The following FAT4 variants were observed in gnomAD, a reference collection of about 807,000 sequenced individuals.
The protein encoded by FAT4 is FAT atypical cadherin 4.
A neutral mutation model predicts 303.9 loss-of-function variants in FAT4; 84 were observed. That is an observed-to-expected ratio of 0.28 (90% CI 0.23 to 0.33). The LOEUF is 0.33. Ranked by LOEUF, FAT4 falls within the 10% of genes least tolerant of loss-of-function variation. The probability of loss-of-function intolerance (pLI) is 1.00; values close to 1 mark genes in which losing one functional copy is unlikely to be tolerated. For missense variants in FAT4, 6,005 were observed against 6,146.8 expected, an observed-to-expected ratio of 0.98 and a Z score of 0.77; for synonymous variants, 2,307 against 2,298.8, an observed-to-expected ratio of 1.00 and a Z score of -0.10.
intron 3 of FAT4, among the ~76,000 whole-genome samples, chr4:125,399,693 T>G (rs1043363101): frequency 6.6e-5 from 10 of 151,978 alleles, no homozygotes; most frequent in African/African-American, 2.2e-4. Flanking sequence ...TAAAATAATT[T>G]TAACTGCCAA....
chr4:125,468,230 C>T lies in FAT4; in HGVS notation c.11906-282C>T, dbSNP rs115018218. On this transcript the variant is annotated intron_variant, in intron 11 of 17. Transcript: ENST00000394329. ...GAAATCTCTTCAGACATACTCCATT[C>T]CACTAAGCCTTTCATTTTGAGAAAC... is the stretch of plus-strand genomic sequence containing the variant. Among the ~76,000 whole-genome samples, 1,546 of 152,196 alleles carry T rather than the reference C, an allele frequency of 0.01. 25 individuals are homozygous for T. Among genetic ancestry groups the T allele is most frequent in the African/African-American group, 0.036 (1,483 of 41,526 alleles).
chr4:125,490,669 A>C lies in FAT4; in HGVS notation c.13853A>C (p.Glu4618Ala). The C allele has an allele frequency of 6.2e-7, 1 of 1,614,158 alleles. No individual in the cohort carries two copies. Reference protein sequence around the residue: ...PSAPLASPEQEIEHYDIDNAS... With the variant: ...PSAPLASPEQAIEHYDIDNAS... Reference sequence around the variant, plus strand: ...GCCCCTTTGGCATCTCCAGAGCAGGAGATAGAGCACTATGACATTGACAAC... The same window carrying C: ...GCCCCTTTGGCATCTCCAGAGCAGGCGATAGAGCACTATGACATTGACAAC... Residue 4618 changes from glutamate to alanine, a missense_variant, in exon 18 of 18, where the codon GAG becomes GCG. Transcript: ENST00000394329.
chr4:125,452,054 G>A lies in FAT4; in HGVS notation c.11044G>A (p.Asp3682Asn), dbSNP rs1361560801. 6.2e-7 allele frequency: 1 copy of A among 1,614,008 alleles called. No homozygotes were observed. The highest frequency in any genetic ancestry group is 1.3e-5 in the African/African-American group (1 of 74,906). ...GCCAAGGTCCACAGATGGCACGTTT[G>A]ATCTGACTGTCCTTAGCAATGATGG... ...SQPRSTDGTF[D>N]LTVLSNDGVH... Residue 3682 changes from aspartate to asparagine, a missense_variant, in exon 10 of 18, where the codon GAT (aspartate) becomes AAT (asparagine). Asp to Asn is a conservative substitution (Grantham distance 23). Transcript: ENST00000394329.
intron 2 of FAT4, among the ~76,000 whole-genome samples, chr4:125,388,915 C>T (rs1733871309): frequency 6.6e-6 from 1 of 152,156 alleles, no homozygotes; most frequent in Non-Finnish European, 1.5e-5. Flanking sequence ...ATACATATTT[C>T]TTCTTAGTAA....
chr4:125,429,364 C>T (rs1725205117), intron 7 of FAT4, among the ~76,000 whole-genome samples: 1 of 152,086 alleles, frequency 6.6e-6, no homozygotes, highest in Non-Finnish European at 1.5e-5. Flanking sequence ...ATAATTATTC[C>T]TGTTTTCAAT....
chr4:125,430,754 G>T (rs1725256864), intron 7 of FAT4, among the ~76,000 whole-genome samples: 2 of 152,094 alleles, frequency 1.3e-5, no homozygotes. Flanking sequence ...AAAGTTCTTG[G>T]CTTGAAAACA....
chr4:125,453,487 T>A (rs565041994), intron 10 of FAT4, among the ~76,000 whole-genome samples: 66 of 152,198 alleles, frequency 4.3e-4, no homozygotes, highest in African/African-American at 1.5e-3. Flanking sequence ...GGCGGGCAGA[T>A]CACGAGGCTG....
chr4:125,374,257 G>GT (rs1733232443), intron 2 of FAT4, among the ~76,000 whole-genome samples: 1 of 152,172 alleles, frequency 6.6e-6, no homozygotes, highest in African/African-American at 2.4e-5. Flanking sequence ...GAAACTGAGT[G>GT]TAAGGAAAGA....
Position 125,451,453 on chromosome 4 carries a change from A to C in FAT4, c.10443A>C (p.Ser3481=). The C allele has an allele frequency of 1.9e-6, 3 of 1,614,082 alleles. No homozygotes were observed. In the South Asian group the frequency reaches 3.3e-5, roughly 18 times the overall value. ...DRETLPIYNL[S]VLAVDSGTPS... ...AAACCCTTCCCATCTATAATCTCTC[A>C]GTTTTGGCTGTTGATTCAGGGACCC... Residue 3481 remains serine, a synonymous_variant, in exon 10 of 18, where the codon TCA becomes TCC. Transcript: ENST00000394329.
intron 13 of FAT4, 69 bp from the exon 14 acceptor site, chr4:125,477,086 C>T (rs571700088): frequency 2.4e-5 from 29 of 1,203,086 alleles, no homozygotes; most frequent in East Asian, 2.3e-4. Flanking sequence ...CACTCTTTTT[C>T]GAACTAAACA....
intron 2 of FAT4, among the ~76,000 whole-genome samples, chr4:125,372,402 C>A (rs1440622088): frequency 1.3e-5 from 2 of 149,130 alleles, no homozygotes; most frequent in Admixed American, 6.7e-5. Context: ...AAAGTGATAT[C>A]AATAGTAATG....
Position 125,451,093 on chromosome 4 carries a change from A to T in FAT4, c.10083A>T (p.Gly3361=). 6.2e-7 allele frequency: 1 copy of T among 1,614,122 alleles called. No homozygotes were observed. Among genetic ancestry groups the T allele is most frequent in the Non-Finnish European group, 8.5e-7 (1 of 1,180,004 alleles). The change falls in exon 10 of 18, where the codon GGA becomes GGT. Residue 3361 remains glycine, a synonymous_variant. Coordinates refer to ENST00000394329, the MANE Select transcript of FAT4 (RefSeq NM_001291303.3). ...AGACTGGACAGATTTATGTTTCTGGAATTCTTGATCGAGAAAAAGAAGAAA... is the reference window on the plus strand; with the variant it reads ...AGACTGGACAGATTTATGTTTCTGGTATTCTTGATCGAGAAAAAGAAGAAA... The part of the protein sequence containing the change: ...NKKTGQIYVS[G]ILDREKEERV...
At chr4:125,442,511 A>G (rs1725694673) in intron 8 of FAT4, among the ~76,000 whole-genome samples, 2 of 152,144 alleles carry the variant, frequency 1.3e-5, no homozygotes, top group Admixed American at 1.3e-4. Flanking sequence ...GAGCATGAAC[A>G]TGATGCCACA....
Position 125,318,104 on chromosome 4 carries a change from T to C in FAT4, c.1693T>C (p.Tyr565His). The change falls in exon 2 of 18, where the codon TAT becomes CAT. Residue 565 changes from tyrosine to histidine, a missense_variant. Physicochemically the swap from Tyr to His is moderately conservative, Grantham distance 83 (BLOSUM62 2). Transcript: ENST00000394329. ...RDQGVHPKVSYAQLVVTLLDV... is the reference protein window; with the variant it reads ...RDQGVHPKVSHAQLVVTLLDV... The stretch of plus-strand genomic sequence containing the variant: ...CCAGGGAGTTCACCCCAAGGTGTCC[T>C]ATGCCCAGCTTGTAGTAACTCTCCT... 1 of 1,614,162 alleles carries C rather than the reference T, an allele frequency of 6.2e-7. No homozygotes were observed. Among genetic ancestry groups the C allele is most frequent in the Non-Finnish European group, 8.5e-7 (1 of 1,180,032 alleles).
intron 2 of FAT4, among the ~76,000 whole-genome samples, chr4:125,341,971 A>C (rs1400855909): frequency 1.3e-5 from 2 of 152,038 alleles, no homozygotes; most frequent in African/African-American, 4.8e-5. Context: ...TAAAATGTAT[A>C]CACACAGTTA....
At chr4:125,382,519 A>G (rs1161455492) in intron 2 of FAT4, among the ~76,000 whole-genome samples, 2 of 152,202 alleles carry the variant, frequency 1.3e-5, no homozygotes, top group Non-Finnish European at 2.9e-5. Flanking sequence ...ATCATGCTGT[A>G]AACATTTGCT....
chr4:125,483,993 T>G (rs564336776), intron 16 of FAT4, among the ~76,000 whole-genome samples: 3 of 61,856 alleles, frequency 4.8e-5, no homozygotes, highest in Non-Finnish European at 1.0e-4. Context: ...CTCTTTCTTA[T>G]GGTTTGCATT....
In FAT4 at chr4:125,416,531, T is replaced by C; in HGVS notation, c.6927T>C (p.Thr2309=). 6.2e-7 allele frequency: 1 copy of C among 1,614,078 alleles called. No homozygotes were observed. The highest frequency in any genetic ancestry group is 8.5e-7 in the Non-Finnish European group (1 of 1,179,942). ...GTGGTAATGAAGACAATGCTTTTAC[T>C]CTCTCAGCCAGTGGAGAACTTGGAG... ...LFGGNEDNAF[T]LSASGELGVT... The change falls in exon 7 of 18, where the codon ACT becomes ACC. Residue 2309 remains threonine, a synonymous_variant. Transcript: ENST00000394329.
intron 2 of FAT4, among the ~76,000 whole-genome samples, chr4:125,360,160 C>G (rs528247115): frequency 1.3e-5 from 2 of 152,232 alleles, no homozygotes; most frequent in East Asian, 1.9e-4. Context: ...TCTCATGCCC[C>G]TTCGCAATAT....
Sources: allele counts gnomAD v4.1 joint callset (sites outside exome capture counted in the v4.1 genomes callset), GRCh38; gene constraint gnomAD v4.1.1; transcripts MANE v1.5; gene names NCBI Gene and HGNC (gene_info 2026-07-23, HGNC 2026-07-21).